Variants in UTP18 observed in about 807,000 individuals in gnomAD.
UTP18 encodes UTP18 small subunit processome component.
In UTP18, 36 loss-of-function variants were observed where a neutral mutation model predicts 61.1. The observed-to-expected ratio is 0.59, with a 90% CI of 0.45 to 0.78. UTP18 has a LOEUF of 0.78. Among genes scored for constraint, UTP18 ranks in the 30% least tolerant of loss-of-function variants. The pLI, the probability that UTP18 is intolerant of heterozygous loss-of-function variation, is 0.00. For missense variants in UTP18, 753 were observed against 693.9 expected (o/e 1.09, Z -0.96); for synonymous variants, 282 against 251.1 (o/e 1.12, Z -1.16).
chr17:51,286,986 C>CA (rs1046377492), intron 10 of UTP18, among the ~76,000 whole-genome samples: 2 of 146,344 alleles, frequency 1.4e-5, no homozygotes, highest in African/African-American at 5.1e-5. Context: ...CTTCCCCCCC[C>CA]GACCCACAGG....
intron 13 of UTP18, 99 bp downstream of exon 13, chr17:51,297,102 C>A: frequency 9.6e-7 from 1 of 1,038,402 alleles, no homozygotes; most frequent in Non-Finnish European, 1.4e-6. Context: ...TGTTTCTCTA[C>A]CCCTAAGTTA....
At chr17:51,278,330 C>T (rs1450541986) in intron 7 of UTP18, among the ~76,000 whole-genome samples, 3 of 152,164 alleles carry the variant, frequency 2.0e-5, no homozygotes, top group East Asian at 1.9e-4. Context: ...CCATGGACCT[C>T]ACTTGGTTAA....
chr17:51,266,784 A>G (rs1446672084), intron 3 of UTP18, among the ~76,000 whole-genome samples: 1 of 152,200 alleles, frequency 6.6e-6, no homozygotes, highest in East Asian at 1.9e-4. Flanking sequence ...GAAAATTAAC[A>G]GTTTACGGCT....
chr17:51,280,760 C>T (rs1418543879), intron 9 of UTP18, among the ~76,000 whole-genome samples: 1 of 152,138 alleles, frequency 6.6e-6, no homozygotes, highest in Non-Finnish European at 1.5e-5. Flanking sequence ...TTGCAGTGAG[C>T]TGTGATTGGG....
chr17:51,284,256 T>TA (rs1321189793), intron 9 of UTP18, among the ~76,000 whole-genome samples: 1 of 152,156 alleles, frequency 6.6e-6, no homozygotes, highest in East Asian at 1.9e-4. Context: ...TTTAGAGCAA[T>TA]ATCCTGCAAG....
chr17:51,285,163 A>G lies in UTP18; in HGVS notation c.1205-82A>G, dbSNP rs1597851759. The G allele has an allele frequency of 2.0e-6, 3 of 1,511,848 alleles. 1 individual carries two copies. Among genetic ancestry groups the G allele is most frequent in the South Asian group, 2.3e-5 (2 of 85,370 alleles). 93.7% of individuals were successfully genotyped at this position (1,511,848 alleles called of 1,614,324 possible). The stretch of plus-strand genomic sequence containing the variant: ...GTATTTGTAGTCTCCTGTACTGTTA[A>G]GAGGGACTGAGAGTGGCCAGTTTAC... On this transcript the variant is annotated intron_variant, in intron 9 of 13. Coordinates refer to ENST00000225298, the MANE Select transcript of UTP18 (RefSeq NM_016001.3).
intron 1 of UTP18, among the ~76,000 whole-genome samples, chr17:51,262,106 T>TA (rs1568262648): frequency 1.3e-5 from 2 of 151,824 alleles, no homozygotes; most frequent in Admixed American, 6.6e-5. Context: ...TTTTTTTTTT[T>TA]AGACTCGCCC....
At position 51,266,954 on chromosome 17, in the gene UTP18, G is replaced by A. The variant is rs369418338; in HGVS notation, c.554+674G>A. Among the ~76,000 whole-genome samples the A allele has an allele frequency of 9.6e-4, 146 of 152,146 alleles. 4 individuals are homozygous for A. In the South Asian group the frequency reaches 0.029, roughly 30 times the overall value. On this transcript the variant is annotated intron_variant, in intron 3 of 13. Coordinates refer to ENST00000225298, the MANE Select transcript of UTP18 (RefSeq NM_016001.3). ...GCTCATTGCAACCTCTATCTCCTGGGCTCCCCATAGCTGGGACTACAGGCA... is the reference window on the plus strand; with the variant it reads ...GCTCATTGCAACCTCTATCTCCTGGACTCCCCATAGCTGGGACTACAGGCA...
At chr17:51,277,355 T>G in intron 7 of UTP18, 51 bp downstream of exon 7, 1 of 1,593,666 alleles carries the variant, frequency 6.3e-7, no homozygotes, top group Non-Finnish European at 8.6e-7. Context: ...CAAGGTGAGT[T>G]TATGTAACAG....
rs1037036497 is a variant in UTP18 at position 51,263,280 on chromosome 17, G to C, written c.349G>C (p.Glu117Gln). ...GGTGTTTTGTCTGCTGTAGGTTCAA[G>C]AACATGAAGACTCGGGTGACTCAGA... ...LRRLRGPRVQ[E>Q]HEDSGDSEVE... Residue 117 changes from glutamate to glutamine, a missense_variant, in exon 2 of 14, where the codon GAA becomes CAA. Coordinates refer to ENST00000225298, the MANE Select transcript of UTP18 (RefSeq NM_016001.3). 1 of 1,614,096 alleles carries C rather than the reference G, an allele frequency of 6.2e-7. No individual in the cohort carries two copies.
intron 12 of UTP18, chr17:51,296,672 T>C: frequency 3.5e-6 from 1 of 284,086 alleles, no homozygotes. Context: ...TTTCTAGCTA[T>C]ACCAGTGACT....
Position 51,269,294 on chromosome 17 carries a change from C to CAAAAA in UTP18, c.622+418_622+422dup, listed in dbSNP as rs58681434. The stretch of plus-strand genomic sequence containing the variant: ...TGGGTGACAGAGTGAGACTCTGTCT[C>CAAAAA]AAAAAAAAAAAAAAAAAAAAAAAAA... On this transcript the variant is annotated intron_variant, in intron 4 of 13. Transcript: ENST00000225298. 8.9e-4 allele frequency among the ~76,000 whole-genome samples: 59 copies of CAAAAA among 66,666 alleles called. 1 individual carries two copies. The highest frequency in any genetic ancestry group is 1.1e-3 in the African/African-American group (17 of 15,624). The allele number at this position is 66,666 out of a possible 152,430, so 43.7% of individuals were successfully genotyped here. A position where few individuals can be genotyped will look rare whatever the true frequency, so the allele number is the denominator to read the frequency against.
rs185609294 is a variant in UTP18, at chr17:51,263,270, G to A, written c.343-4G>A. The A allele has an allele frequency of 2.5e-6, 4 of 1,613,576 alleles. No homozygotes were observed. The highest frequency in any genetic ancestry group is 2.7e-5 in the African/African-American group (2 of 75,046). On this transcript the variant is annotated splice_region_variant and splice_polypyrimidine_tract_variant and intron_variant, in intron 1 of 13. Transcript: ENST00000225298. ...AGTGCTTGAGGGTGTTTTGTCTGCT[G>A]TAGGTTCAAGAACATGAAGACTCGG...
intron 11 of UTP18, among the ~76,000 whole-genome samples, chr17:51,293,226 GCAT>G (rs779869907): frequency 5.9e-5 from 9 of 152,094 alleles, no homozygotes; most frequent in Non-Finnish European, 1.2e-4. Context: ...AATCTCTGAG[GCAT>G]CATGCTGGAT....
At chr17:51,269,853 G>C (rs541145551) in intron 4 of UTP18, among the ~76,000 whole-genome samples, 1 of 151,694 alleles carries the variant, frequency 6.6e-6, no homozygotes, top group Non-Finnish European at 1.5e-5. Context: ...GTGTGTGTGT[G>C]TGTGTGTGTG....
intron 9 of UTP18, among the ~76,000 whole-genome samples, chr17:51,283,933 T>C (rs1213147995): frequency 6.6e-6 from 1 of 152,174 alleles, no homozygotes; most frequent in Non-Finnish European, 1.5e-5. Context: ...TTGCCTTTTT[T>C]GCCATAAGTC....
At chr17:51,286,978 T>TCCCCCCCCCCCC (rs11397806) in intron 10 of UTP18, among the ~76,000 whole-genome samples, 1 of 123,466 alleles carries the variant, frequency 8.1e-6, no homozygotes, top group Non-Finnish European at 1.6e-5. Context: ...CCCTCCCCCT[T>TCCCCCCCCCCCC]CCCCCCCCGA....
At chr17:51,261,772 C>T (rs1220822429) in intron 1 of UTP18, among the ~76,000 whole-genome samples, 1 of 152,088 alleles carries the variant, frequency 6.6e-6, no homozygotes, top group Non-Finnish European at 1.5e-5. Flanking sequence ...GAGGAAAGCT[C>T]ACCGAGAATT....
intron 10 of UTP18, among the ~76,000 whole-genome samples, chr17:51,285,909 A>G (rs1905097446): frequency 6.6e-6 from 1 of 152,202 alleles, no homozygotes; most frequent in Non-Finnish European, 1.5e-5. Context: ...AGCAAAGAAA[A>G]TGCTGGCGCT....
Sources: gnomAD v4.1 joint callset for allele counts (sites outside exome capture counted in the v4.1 genomes callset) on GRCh38, gnomAD v4.1.1 for gene constraint, MANE v1.5 for transcripts, NCBI Gene and HGNC (gene_info 2026-07-23, HGNC 2026-07-21) for gene names.